Variants in CALN1 observed in about 807,000 individuals in gnomAD.
CALN1 encodes calcium-binding protein 8.
A neutral mutation model predicts 30.6 loss-of-function variants in CALN1; 17 were observed. That is an observed-to-expected ratio of 0.56 (90% confidence interval 0.38 to 0.83). The LOEUF is 0.83. Among genes scored for constraint, CALN1 ranks in the 40% least tolerant of loss-of-function variants. The pLI is 0.00. For missense variants in CALN1, 291 were observed against 354.9 expected, an observed-to-expected ratio of 0.82 and a Z score of 1.45; for synonymous variants, 156 against 131.4, an observed-to-expected ratio of 1.19 and a Z score of -1.28.
At chr7:71,864,994 C>A (rs1791504437) in intron 5 of CALN1, among the ~76,000 whole-genome samples, 1 of 151,646 alleles carries the variant, frequency 6.6e-6, no homozygotes, top group Admixed American at 6.6e-5. Context: ...CAGAGTGAGA[C>A]CCTGTCTCCA....
At position 71,850,734 on chromosome 7, in the gene CALN1, G is replaced by A. The variant is rs184260251; in HGVS notation, c.502-40242C>T. On this transcript the variant is annotated intron_variant, in intron 5 of 6. Transcript: ENST00000395275. ...AGTGGTAATGAGGTGAAAGCACACA[G>A]AACAATACAATTAGCTCTTAAAAGC... is the stretch of plus-strand genomic sequence containing the variant. 7.7e-4 allele frequency among the ~76,000 whole-genome samples: 117 copies of A among 152,234 alleles called. 1 individual carries two copies. The highest frequency in any genetic ancestry group is 7.3e-3 in the Admixed American group (112 of 15,286).
At chr7:72,252,154 T>A (rs13225466) in intron 3 of CALN1, among the ~76,000 whole-genome samples, 19,917 of 151,994 alleles carry the variant, frequency 0.13, 1,704 homozygotes, top group East Asian at 0.43. Context: ...TCCTGGACTT[T>A]CTTTCTCCCC....
At chr7:71,831,806 C>T (rs955579020) in intron 5 of CALN1, among the ~76,000 whole-genome samples, 14 of 129,418 alleles carry the variant, frequency 1.1e-4, no homozygotes, top group South Asian at 2.7e-4. Context: ...TCAGAAGAAT[C>T]GCATGAGCCC....
At position 71,842,163 on chromosome 7, in the gene CALN1, G is replaced by C. The variant is rs80064744; in HGVS notation, c.502-31671C>G. On this transcript the variant is annotated intron_variant, in intron 5 of 6. Coordinates refer to ENST00000395275, the MANE Select transcript of CALN1 (RefSeq NM_031468.4). ...GGCAGCAACTCACGTGTCTGCCTCT[G>C]TCCTAAAAACAAAGTCTAGTCCCGA... is the stretch of plus-strand genomic sequence containing the variant. Among the ~76,000 whole-genome samples, 1,599 of 152,272 alleles carry C rather than the reference G, an allele frequency of 0.011. 70 individuals carry two copies. In the East Asian group the frequency reaches 0.12, roughly 12 times the overall value.
intron 5 of CALN1, among the ~76,000 whole-genome samples, chr7:71,983,573 C>T (rs900939307): frequency 1.3e-5 from 2 of 151,814 alleles, no homozygotes; most frequent in African/African-American, 2.4e-5. Flanking sequence ...CGAGTGTTGC[C>T]GAGGTGGGAG....
intron 3 of CALN1, among the ~76,000 whole-genome samples, chr7:72,222,434 C>CA (rs1395848620): frequency 6.6e-6 from 1 of 152,112 alleles, no homozygotes; most frequent in African/African-American, 2.4e-5. Flanking sequence ...AGATACCACA[C>CA]ACTTTTAAAC....
intron 5 of CALN1, among the ~76,000 whole-genome samples, chr7:71,927,792 G>A (rs751632724): frequency 3.3e-5 from 5 of 152,090 alleles, no homozygotes; most frequent in Admixed American, 6.6e-5. Flanking sequence ...TGCAGATCAG[G>A]TTTTCTCTGT....
rs186894896 is a variant in CALN1, at chr7:71,952,935, C to T, written c.501+70722G>A. Among the ~76,000 whole-genome samples, 551 of 152,218 alleles carry T rather than the reference C, an allele frequency of 3.6e-3. 3 individuals carry two copies. Among genetic ancestry groups the T allele is most frequent in the African/African-American group, 0.012 (507 of 41,538 alleles). On this transcript the variant is annotated intron_variant, in intron 5 of 6. Transcript: ENST00000395275. Reference sequence around the variant, plus strand: ...TTTAGCTTGTCATAAATGCCTTTTGCATGGCTTTCGTGACTCAGTCCTCCA... The same window carrying T: ...TTTAGCTTGTCATAAATGCCTTTTGTATGGCTTTCGTGACTCAGTCCTCCA...
At chr7:72,069,748 A>G (rs1179864689) in intron 4 of CALN1, among the ~76,000 whole-genome samples, 2 of 152,176 alleles carry the variant, frequency 1.3e-5, no homozygotes, top group Non-Finnish European at 2.9e-5. Context: ...GGAGAGCTTG[A>G]TATCTTTGGG....
intron 5 of CALN1, among the ~76,000 whole-genome samples, chr7:71,898,924 T>A (rs1793696460): frequency 6.6e-6 from 1 of 152,104 alleles, no homozygotes; most frequent in South Asian, 2.1e-4. Flanking sequence ...ATAAGGGGCA[T>A]AACTTAGAAA....
At chr7:71,857,036 G>A (rs113691786) in intron 5 of CALN1, among the ~76,000 whole-genome samples, 2 of 151,590 alleles carry the variant, frequency 1.3e-5, no homozygotes, top group African/African-American at 2.4e-5. Context: ...GTGTGTGTGT[G>A]TGTGTGTGTG....
chr7:71,839,704 C>G (rs927422015), intron 5 of CALN1, among the ~76,000 whole-genome samples: 13 of 152,192 alleles, frequency 8.5e-5, no homozygotes, highest in African/African-American at 3.1e-4. Flanking sequence ...TCCATGGCCT[C>G]TCCAAATGGC....
At chr7:72,383,259 T>C (rs1221000296) in intron 2 of CALN1, among the ~76,000 whole-genome samples, 2 of 152,218 alleles carry the variant, frequency 1.3e-5, no homozygotes, top group African/African-American at 4.8e-5. Flanking sequence ...AACAATTTAT[T>C]TTCCCTTGGG....
At chr7:71,880,193 A>G (rs1424571057) in intron 5 of CALN1, among the ~76,000 whole-genome samples, 1 of 152,216 alleles carries the variant, frequency 6.6e-6, no homozygotes, top group Non-Finnish European at 1.5e-5. Context: ...ACAATTGCTC[A>G]AGGTTGATTA....
intron 5 of CALN1, among the ~76,000 whole-genome samples, chr7:71,985,566 T>G (rs1034610133): frequency 6.6e-6 from 1 of 150,478 alleles, no homozygotes; most frequent in East Asian, 2.0e-4. Context: ...AAGAAACTCA[T>G]GCTGTACAGG....
chr7:72,239,775 A>T (rs1794717007), intron 3 of CALN1, among the ~76,000 whole-genome samples: 1 of 152,176 alleles, frequency 6.6e-6, no homozygotes, highest in Non-Finnish European at 1.5e-5. Context: ...CGATCCCAAC[A>T]GGGTTCAGAA....
At chr7:72,357,810 TTATATATTTA>T (rs1197712204) in intron 2 of CALN1, among the ~76,000 whole-genome samples, 5 of 147,668 alleles carry the variant, frequency 3.4e-5, no homozygotes, top group East Asian at 1.9e-4. Flanking sequence ...AACTTTTATT[TTATATATTTA>T]TATATATTTT....
chr7:72,045,073 T>C (rs1160785001), intron 4 of CALN1, among the ~76,000 whole-genome samples: 1 of 152,214 alleles, frequency 6.6e-6, no homozygotes, highest in Non-Finnish European at 1.5e-5. Flanking sequence ...TCCATGCAAC[T>C]AGAAAAAGAC....
chr7:72,415,383 C>A (rs1431515888), upstream of CALN1, among the ~76,000 whole-genome samples: 1 of 152,206 alleles, frequency 6.6e-6, no homozygotes, highest in African/African-American at 2.4e-5. Flanking sequence ...GCAAAGACCA[C>A]GAGGAAGTGG....
Sources: allele counts gnomAD v4.1 joint callset (sites outside exome capture counted in the v4.1 genomes callset), GRCh38; gene constraint gnomAD v4.1.1; transcripts MANE v1.5; gene names NCBI Gene and HGNC (gene_info 2026-07-23, HGNC 2026-07-21).